The following AFF3 variants were observed in gnomAD, a reference collection of about 807,000 sequenced individuals.
The protein encoded by AFF3 is ALF transcription elongation factor 3, also known as AF4/FMR2 family member 3.
Under a neutral mutation model 129.7 loss-of-function variants are expected in AFF3, and 32 were observed. The ratio of observed to expected loss-of-function variants is 0.25; its 90% CI spans 0.19 to 0.33. AFF3 has a LOEUF of 0.33. AFF3 is among the 10% of genes least tolerant of loss of function. The pLI is 1.00. For missense variants in AFF3, 1,373 were observed against 1,592.0 expected, an observed-to-expected ratio of 0.86 and a Z score of 2.34; for synonymous variants, 644 against 635.4, an observed-to-expected ratio of 1.01 and a Z score of -0.20.
At chr2:100,035,453 G>A (rs1684822680) in intron 4 of AFF3, among the ~76,000 whole-genome samples, 1 of 152,220 alleles carries the variant, frequency 6.6e-6, no homozygotes, top group Non-Finnish European at 1.5e-5. Flanking sequence ...TGCAGACTAT[G>A]ATGACTAAGG....
At chr2:99,894,462 C>T (rs555567001) in intron 7 of AFF3, among the ~76,000 whole-genome samples, 12 of 151,294 alleles carry the variant, frequency 7.9e-5, no homozygotes, top group Admixed American at 3.3e-4. Context: ...TTCTGATCAG[C>T]GTCAGGAATT....
intron 10 of AFF3, among the ~76,000 whole-genome samples, chr2:99,729,166 C>T (rs565499817): frequency 1.3e-5 from 2 of 152,270 alleles, no homozygotes; most frequent in South Asian, 2.1e-4. Context: ...TGTAAAACAG[C>T]AGGCTTGGAA....
intron 4 of AFF3, among the ~76,000 whole-genome samples, chr2:100,027,496 G>A (rs1381213402): frequency 2.0e-5 from 3 of 152,092 alleles, no homozygotes; most frequent in South Asian, 2.1e-4. Flanking sequence ...AACAATTTAC[G>A]GAACTGCCAA....
chr2:99,859,371 G>C (rs1369876236), intron 7 of AFF3, among the ~76,000 whole-genome samples: 1 of 152,188 alleles, frequency 6.6e-6, no homozygotes, highest in African/African-American at 2.4e-5. Context: ...TAGAACTGCT[G>C]TTAAAATTAC....
At chr2:100,009,579 G>A (rs911821181) in intron 4 of AFF3, among the ~76,000 whole-genome samples, 10 of 152,170 alleles carry the variant, frequency 6.6e-5, no homozygotes, top group Non-Finnish European at 1.3e-4. Context: ...TGAGGGGAGA[G>A]AACGGAAATT....
At chr2:99,810,107 G>C (rs1470884796) in intron 8 of AFF3, among the ~76,000 whole-genome samples, 1 of 152,198 alleles carries the variant, frequency 6.6e-6, no homozygotes, top group Non-Finnish European at 1.5e-5. Context: ...AAGTCTTCCT[G>C]ATATGCTGAT....
At chr2:100,064,336 G>T (rs1440056000) in intron 4 of AFF3, among the ~76,000 whole-genome samples, 1 of 152,120 alleles carries the variant, frequency 6.6e-6, no homozygotes, top group East Asian at 1.9e-4. Context: ...AGCTGGAGCG[G>T]GTGGGGAGAG....
intron 7 of AFF3, among the ~76,000 whole-genome samples, chr2:99,987,348 G>C (rs995119481): frequency 6.6e-6 from 1 of 152,162 alleles, no homozygotes; most frequent in African/African-American, 2.4e-5. Flanking sequence ...CTCCACAGAT[G>C]AGTGTTCAGC....
At chr2:99,596,809 G>A (rs571192597) in intron 14 of AFF3, among the ~76,000 whole-genome samples, 1 of 152,306 alleles carries the variant, frequency 6.6e-6, no homozygotes, top group African/African-American at 2.4e-5. Context: ...TGCCTGGTAT[G>A]CTTTAGGGTC....
At chr2:99,746,728 T>C (rs1337708213) in intron 9 of AFF3, among the ~76,000 whole-genome samples, 1 of 152,190 alleles carries the variant, frequency 6.6e-6, no homozygotes, top group Non-Finnish European at 1.5e-5. Context: ...AAATCCCCCA[T>C]GTAGATTGGT....
chr2:99,816,214 C>G (rs1046864344), intron 8 of AFF3, among the ~76,000 whole-genome samples: 2 of 152,044 alleles, frequency 1.3e-5, no homozygotes, highest in African/African-American at 4.8e-5. Context: ...CTTGTAGTTT[C>G]CATCTCTTTG....
intron 7 of AFF3, among the ~76,000 whole-genome samples, chr2:99,920,962 A>C (rs1695818526): frequency 6.6e-6 from 1 of 152,078 alleles, no homozygotes; most frequent in African/African-American, 2.4e-5. Flanking sequence ...TATACTAAAA[A>C]CTCTAAAACA....
chr2:99,660,599 C>T (rs943820712), intron 12 of AFF3, among the ~76,000 whole-genome samples: 5 of 152,212 alleles, frequency 3.3e-5, no homozygotes, highest in Non-Finnish European at 5.9e-5. Flanking sequence ...ACACAGTCTT[C>T]TTTGAAATGC....
At chr2:100,086,965 A>C (rs1689488130) in intron 4 of AFF3, among the ~76,000 whole-genome samples, 1 of 152,224 alleles carries the variant, frequency 6.6e-6, no homozygotes, top group African/African-American at 2.4e-5. Context: ...GAAGGTAAAA[A>C]CCTACCCCAC....
rs115016305 is a variant in AFF3, at chr2:100,072,276, G to C, written c.53+32126C>G. On this transcript the variant is annotated intron_variant, in intron 4 of 24. Coordinates refer to ENST00000672756, the MANE Select transcript of AFF3 (RefSeq NM_001386135.1). ...CTCATAGGAGAGTAAACCCTATTGT[G>C]AACTGTGCATGCGAGGAATCTGGGT... is the stretch of plus-strand genomic sequence containing the variant. Among the ~76,000 whole-genome samples, 1,207 of 152,264 alleles carry C rather than the reference G, an allele frequency of 7.9e-3. 20 individuals carry two copies. The highest frequency in any genetic ancestry group is 0.028 in the African/African-American group (1,144 of 41,540).
chr2:99,663,881 G>C (rs535859205), intron 12 of AFF3, among the ~76,000 whole-genome samples: 4 of 152,292 alleles, frequency 2.6e-5, no homozygotes, highest in Non-Finnish European at 5.9e-5. Flanking sequence ...CTTGCTGAAA[G>C]TCTTAATCAT....
chr2:99,831,290 A>G (rs1355597578), intron 8 of AFF3, among the ~76,000 whole-genome samples: 3 of 152,278 alleles, frequency 2.0e-5, no homozygotes, highest in African/African-American at 7.2e-5. Context: ...TAACTATAAA[A>G]GTAATCTTCA....
intron 4 of AFF3, among the ~76,000 whole-genome samples, chr2:100,014,631 A>C (rs2104799497): frequency 6.6e-6 from 1 of 152,268 alleles, no homozygotes; most frequent in South Asian, 2.1e-4. Flanking sequence ...GCAGGAGACC[A>C]GCTTTGAGCT....
intron 8 of AFF3, among the ~76,000 whole-genome samples, chr2:99,821,835 G>A (rs148343485): frequency 3.9e-5 from 6 of 152,194 alleles, no homozygotes; most frequent in East Asian, 1.9e-4. Context: ...AGGGCCCCTC[G>A]TGTCACACAA....
Sources: allele counts gnomAD v4.1 joint callset (sites outside exome capture counted in the v4.1 genomes callset), GRCh38; gene constraint gnomAD v4.1.1; transcripts MANE v1.5; gene names NCBI Gene and HGNC (gene_info 2026-07-23, HGNC 2026-07-21).